The following UBE2G1 variants were observed in gnomAD, a reference collection of about 807,000 sequenced individuals.
UBE2G1 encodes ubiquitin-conjugating enzyme E2 G1.
UBE2G1 carries 5 observed loss-of-function variants against 22.7 expected under a neutral mutation model. The ratio of observed to expected loss-of-function variants is 0.22; its 90% CI spans 0.12 to 0.46. The LOEUF (loss-of-function observed/expected upper bound fraction) is 0.46. Ranked by LOEUF, UBE2G1 falls within the 20% of genes least tolerant of loss-of-function variation. The pLI is 0.99. For synonymous variants in UBE2G1, 74 were observed against 67.5 expected (o/e 1.10, Z -0.47); for missense variants, 88 against 203.9 (o/e 0.43, Z 3.46).
chr17:4,307,173 T>G lies in UBE2G1; in HGVS notation c.47-50A>C, dbSNP rs571911442. ...AATACATTTAAGCACATAATTTGCA[T>G]CCAGTAGATAAATTACAGAACTTGA... On this transcript the variant is annotated intron_variant, in intron 1 of 5. Transcript: ENST00000396981. 7 of 1,459,870 alleles carry G rather than the reference T, an allele frequency of 4.8e-6. No homozygotes were observed. The African/African-American group carries it at 9.8e-5, about 20-fold the overall frequency. The allele number at this position is 1,459,870 out of a possible 1,614,324, so 90.4% of individuals were successfully genotyped here. A position where few individuals can be genotyped will look rare whatever the true frequency, so the allele number is the denominator to read the frequency against.
At chr17:4,296,365 C>A (rs1393161282) in intron 3 of UBE2G1, among the ~76,000 whole-genome samples, 1 of 152,146 alleles carries the variant, frequency 6.6e-6, no homozygotes, top group Non-Finnish European at 1.5e-5. Context: ...CGGGTTCAAG[C>A]GATTCTTGTG....
Position 4,354,297 on chromosome 17 carries a change from T to C in UBE2G1, c.46+11974A>G, listed in dbSNP as rs189588920. Among the ~76,000 whole-genome samples, 16 of 152,292 alleles carry C rather than the reference T, an allele frequency of 1.1e-4. No individual in the cohort carries two copies. In the East Asian group the frequency reaches 3.1e-3, roughly 29 times the overall value. On this transcript the variant is annotated intron_variant, in intron 1 of 5. Transcript: ENST00000396981. ...CTGTATTATGGAACTTTTATTTTTCTACAGACTACAAGTTCCTGAAACACC... is the reference window on the plus strand; with the variant it reads ...CTGTATTATGGAACTTTTATTTTTCCACAGACTACAAGTTCCTGAAACACC...
chr17:4,329,651 G>A lies in UBE2G1; in HGVS notation c.47-22528C>T, dbSNP rs75011218. Among the ~76,000 whole-genome samples the A allele has an allele frequency of 7.9e-3, 1,198 of 152,040 alleles. 12 individuals are homozygous for A. The highest frequency in any genetic ancestry group is 0.011 in the Non-Finnish European group (768 of 67,982). On this transcript the variant is annotated intron_variant, in intron 1 of 5. Transcript: ENST00000396981. ...TTAAGGACTTTAATATATTTAAAAT[G>A]TAAGACATTTTTGTGGTTGGTTAAG... is the stretch of plus-strand genomic sequence containing the variant.
At chr17:4,317,276 G>C (rs1969386463) in intron 1 of UBE2G1, among the ~76,000 whole-genome samples, 1 of 152,204 alleles carries the variant, frequency 6.6e-6, no homozygotes, top group Admixed American at 6.5e-5. Context: ...CTTGAACCTG[G>C]GAGAAGGAGG....
intron 1 of UBE2G1, among the ~76,000 whole-genome samples, chr17:4,310,949 C>T (rs1441782987): frequency 2.0e-5 from 3 of 152,110 alleles, no homozygotes; most frequent in South Asian, 2.1e-4. Flanking sequence ...GGTGGCTCAC[C>T]GCTGTAATCC....
intron 3 of UBE2G1, among the ~76,000 whole-genome samples, chr17:4,291,612 C>A (rs182748847): frequency 5.3e-5 from 8 of 151,894 alleles, no homozygotes; most frequent in Non-Finnish European, 1.2e-4. Flanking sequence ...CATTTTTAAC[C>A]TTCTCATGTC....
intron 1 of UBE2G1, among the ~76,000 whole-genome samples, chr17:4,340,520 T>C (rs1434383207): frequency 6.6e-6 from 1 of 152,184 alleles, no homozygotes; most frequent in Non-Finnish European, 1.5e-5. Flanking sequence ...CATGCTGTTC[T>C]CGTGATAGTG....
intron 1 of UBE2G1, 103 bp downstream of exon 1, chr17:4,366,168 C>T: frequency 3.2e-6 from 4 of 1,260,804 alleles, no homozygotes; most frequent in South Asian, 1.6e-5. Context: ...CAGGCCCGGG[C>T]CCCTTCGGCA....
chr17:4,306,081 T>G (rs1177193975), intron 2 of UBE2G1, among the ~76,000 whole-genome samples: 1 of 152,202 alleles, frequency 6.6e-6, no homozygotes, highest in Non-Finnish European at 1.5e-5. Flanking sequence ...ACAATAACTT[T>G]CAATAAACTA....
intron 1 of UBE2G1, among the ~76,000 whole-genome samples, chr17:4,337,408 T>C (rs1475528800): frequency 6.7e-6 from 1 of 150,346 alleles, no homozygotes; most frequent in Non-Finnish European, 1.5e-5. Context: ...ATCCCAGCAC[T>C]TTGGGAGGTC....
intron 1 of UBE2G1, among the ~76,000 whole-genome samples, chr17:4,338,883 G>A (rs8074770): frequency 0.32 from 47,958 of 151,900 alleles, 7,678 homozygotes; most frequent in Middle Eastern, 0.38. Flanking sequence ...ACCAAGGAAG[G>A]GGCAAGTATC....
chr17:4,273,156 A>C (rs1054606491), intron 5 of UBE2G1, among the ~76,000 whole-genome samples: 1 of 152,248 alleles, frequency 6.6e-6, no homozygotes, highest in African/African-American at 2.4e-5. Flanking sequence ...ACACATCTAC[A>C]TAAAAAGCAG....
intron 1 of UBE2G1, 99 bp from the exon 2 acceptor site, chr17:4,307,222 T>C (rs1449318861): frequency 9.7e-7 from 1 of 1,028,256 alleles, no homozygotes; most frequent in Non-Finnish European, 1.5e-6. Context: ...ATGTAAGTTT[T>C]AAACCATTAA....
intron 1 of UBE2G1, chr17:4,331,814 A>G (rs1969581790): frequency 6.6e-6 from 1 of 152,242 alleles, no homozygotes; most frequent in Admixed American, 6.5e-5. Context: ...TCTTCTGGGC[A>G]GAACCCCAGA....
intron 5 of UBE2G1, among the ~76,000 whole-genome samples, chr17:4,279,775 CAA>C (rs918390191): frequency 6.7e-5 from 6 of 88,990 alleles, no homozygotes; most frequent in Admixed American, 2.4e-4. Context: ...ACTCTGCCCC[CAA>C]AAAAAAGTTA....
At chr17:4,285,336 A>C (rs1039753940) in intron 4 of UBE2G1, among the ~76,000 whole-genome samples, 1 of 152,214 alleles carries the variant, frequency 6.6e-6, no homozygotes, top group Non-Finnish European at 1.5e-5. Context: ...AATGGAAAAG[A>C]ATCAGCCTAG....
At chr17:4,328,247 C>T (rs1180375016) in intron 1 of UBE2G1, among the ~76,000 whole-genome samples, 1 of 151,842 alleles carries the variant, frequency 6.6e-6, no homozygotes, top group East Asian at 1.9e-4. Context: ...ACTAGTCTGG[C>T]TTTATTTAAA....
rs1266171712 is a variant in UBE2G1, at chr17:4,354,840, G to GGTGGGAGGTTCACTTGGGTCTGGGA, written c.46+11406_46+11430dup. 4.2e-3 allele frequency among the ~76,000 whole-genome samples: 636 copies of GGTGGGAGGTTCACTTGGGTCTGGGA among 152,236 alleles called. 1 individual carries two copies. Among genetic ancestry groups the GGTGGGAGGTTCACTTGGGTCTGGGA allele is most frequent in the Non-Finnish European group, 7.3e-3 (497 of 68,012 alleles). ...TAGTCCCAGCTACGGAGGCAGATAAGGTGGGAGGTTCACTTGGGTCTGGGA... is the reference window on the plus strand; with the variant it reads ...TAGTCCCAGCTACGGAGGCAGATAAGGTGGGAGGTTCACTTGGGTCTGGGAGTGGGAGGTTCACTTGGGTCTGGGA... On this transcript the variant is annotated intron_variant, in intron 1 of 5. Coordinates refer to ENST00000396981, the MANE Select transcript of UBE2G1 (RefSeq NM_003342.5).
At chr17:4,325,353 T>G (rs1424725350) in intron 1 of UBE2G1, among the ~76,000 whole-genome samples, 1 of 152,184 alleles carries the variant, frequency 6.6e-6, no homozygotes, top group African/African-American at 2.4e-5. Context: ...TTCAACCAAC[T>G]ATTTCTTCAC....
Sources: gnomAD v4.1 joint callset for allele counts (sites outside exome capture counted in the v4.1 genomes callset) on GRCh38, gnomAD v4.1.1 for gene constraint, MANE v1.5 for transcripts, NCBI Gene and HGNC (gene_info 2026-07-23, HGNC 2026-07-21) for gene names.